The following TMBIM6 variants were observed in gnomAD, a reference collection of about 807,000 sequenced individuals.
TMBIM6 encodes the protein transmembrane BAX inhibitor motif containing 6.
In TMBIM6, 13 loss-of-function variants were observed where a neutral mutation model predicts 31.4. The ratio of observed to expected loss-of-function variants is 0.41; its 90% CI spans 0.27 to 0.66. The LOEUF (loss-of-function observed/expected upper bound fraction) is 0.66, where lower values mean the gene tolerates loss of function less well. TMBIM6 is among the 30% of genes least tolerant of loss of function. TMBIM6 has a pLI of 0.28. For missense variants in TMBIM6, 275 were observed against 289.5 expected (o/e 0.95, Z 0.36); for synonymous variants, 85 against 101.7 (o/e 0.84, Z 0.99).
chr12:49,748,793 G>A (rs768430345), intron 1 of TMBIM6, among the ~76,000 whole-genome samples: 1 of 152,152 alleles, frequency 6.6e-6, no homozygotes, highest in South Asian at 2.1e-4. Flanking sequence ...GTAAGTAATA[G>A]GCTTAGAGGT....
At chr12:49,749,933 C>T (rs1045662578) in intron 1 of TMBIM6, 2 of 151,952 alleles carry the variant, frequency 1.3e-5, no homozygotes, top group Non-Finnish European at 2.9e-5. Context: ...TGCCCTTTTG[C>T]GTCTATAATA....
chr12:49,741,857 G>A (rs527489736), intron 1 of TMBIM6: 3 of 452,224 alleles, frequency 6.6e-6, no homozygotes, highest in Non-Finnish European at 1.2e-5. Flanking sequence ...GGGGGTTTTG[G>A]GGGGTGTCGA....
intron 4 of TMBIM6, among the ~76,000 whole-genome samples, chr12:49,756,309 T>C (rs998369173): frequency 7.9e-5 from 12 of 151,332 alleles, no homozygotes; most frequent in African/African-American, 2.9e-4. Flanking sequence ...CTAATTTTTG[T>C]ATTTTTAGTA....
At position 49,753,747 on chromosome 12, in the gene TMBIM6, G is replaced by A. The variant is rs139630849; in HGVS notation, c.165+666G>A. Among the ~76,000 whole-genome samples the A allele has an allele frequency of 3.3e-3, 497 of 152,316 alleles. 2 individuals carry two copies. Among genetic ancestry groups the A allele is most frequent in the South Asian group, 0.019 (91 of 4,832 alleles). ...GTTCAGGCATCTCCTGGCAGGGATT[G>A]TGTGAAAAATTACTTTAGACACTCA... On this transcript the variant is annotated intron_variant, in intron 3 of 9. Coordinates refer to ENST00000267115, the MANE Select transcript of TMBIM6 (RefSeq NM_003217.3).
intron 1 of TMBIM6, among the ~76,000 whole-genome samples, chr12:49,748,543 CA>C (rs1302681910): frequency 2.6e-5 from 4 of 152,188 alleles, no homozygotes; most frequent in African/African-American, 9.7e-5. Flanking sequence ...GACACTTCAG[CA>C]AAACTTTAGC....
At chr12:49,743,902 T>C (rs1030924315) in intron 1 of TMBIM6, among the ~76,000 whole-genome samples, 2 of 152,224 alleles carry the variant, frequency 1.3e-5, no homozygotes, top group African/African-American at 4.8e-5. Context: ...GTACTTTACG[T>C]TGATTTCACA....
At chr12:49,745,623 G>A (rs1231023614) in intron 1 of TMBIM6, among the ~76,000 whole-genome samples, 1 of 151,876 alleles carries the variant, frequency 6.6e-6, no homozygotes, top group African/African-American at 2.4e-5. Flanking sequence ...TACTTGGGAG[G>A]CTGAGGCATG....
rs774851770 is a variant in TMBIM6, at chr12:49,762,928, C to T, written c.*32C>T. ...CATCCAGCCTTTCCCAATTAGACTTCCTCTCCTTCCACCCCTCATTTCCTT... is the reference window on the plus strand; with the variant it reads ...CATCCAGCCTTTCCCAATTAGACTTTCTCTCCTTCCACCCCTCATTTCCTT... On this transcript the variant is annotated 3_prime_UTR_variant, in exon 10 of 10. Transcript: ENST00000267115. The T allele has an allele frequency of 2.9e-5, 47 of 1,607,798 alleles. No homozygotes were observed. The highest frequency in any genetic ancestry group is 3.9e-5 in the Non-Finnish European group (46 of 1,174,844).
rs1945758267 is a variant in TMBIM6 at position 49,763,444 on chromosome 12, C to T, written c.*548C>T. 1.3e-5 allele frequency: 2 copies of T among 152,870 alleles called. No homozygotes were observed. Among genetic ancestry groups the T allele is most frequent in the South Asian group, 4.1e-4 (2 of 4,898 alleles). 9.5% of individuals were successfully genotyped at this position (152,870 alleles called of 1,614,324 possible). A position where few individuals can be genotyped will look rare whatever the true frequency, so the allele number is the denominator to read the frequency against. ...TCTTCTGGTGGATGCTTTGCTCCCTCTGAGCTGCCCATGCTGGTCTGGCAA... is the reference window on the plus strand; with the variant it reads ...TCTTCTGGTGGATGCTTTGCTCCCTTTGAGCTGCCCATGCTGGTCTGGCAA... On this transcript the variant is annotated 3_prime_UTR_variant, in exon 10 of 10. Coordinates refer to ENST00000267115, the MANE Select transcript of TMBIM6 (RefSeq NM_003217.3).
chr12:49,742,414 T>C (rs1945313870), intron 1 of TMBIM6: 1 of 1,241,880 alleles, frequency 8.1e-7, no homozygotes, highest in East Asian at 2.7e-5. Flanking sequence ...GGCTTTGGTA[T>C]CTTTGTATAT....
At chr12:49,750,486 A>G (rs1430632012) in intron 1 of TMBIM6, 2 of 152,214 alleles carry the variant, frequency 1.3e-5, no homozygotes, top group African/African-American at 4.8e-5. Context: ...CCAGGTGCTG[A>G]ATTCTGCCAT....
chr12:49,746,694 G>A (rs1945400236), intron 1 of TMBIM6, among the ~76,000 whole-genome samples: 1 of 151,982 alleles, frequency 6.6e-6, no homozygotes, highest in Admixed American at 6.6e-5. Flanking sequence ...ACTATGCAGG[G>A]GACATGGTTA....
Position 49,759,682 on chromosome 12 carries a change from A to G in TMBIM6, c.614+361A>G, listed in dbSNP as rs374344374. ...ATTAGCTGGGCATGGTGGCACATGTATATAATCCCAGCTACTCAGGAGGCT... is the reference window on the plus strand; with the variant it reads ...ATTAGCTGGGCATGGTGGCACATGTGTATAATCCCAGCTACTCAGGAGGCT... On this transcript the variant is annotated intron_variant, in intron 8 of 9. Coordinates refer to ENST00000267115, the MANE Select transcript of TMBIM6 (RefSeq NM_003217.3). 4.5e-3 allele frequency among the ~76,000 whole-genome samples: 686 copies of G among 152,004 alleles called. 1 individual carries two copies. The highest frequency in any genetic ancestry group is 7.5e-3 in the Non-Finnish European group (508 of 67,938).
At chr12:49,741,917 C>G (rs1249138393) in intron 1 of TMBIM6, 1 of 695,954 alleles carries the variant, frequency 1.4e-6, no homozygotes, top group Non-Finnish European at 2.3e-6. Flanking sequence ...CTCAGCCCGC[C>G]TTTTCCTTTC....
chr12:49,755,847 T>TG, intron 4 of TMBIM6, 92 bp downstream of exon 4: 2 of 1,457,362 alleles, frequency 1.4e-6, no homozygotes, highest in East Asian at 4.7e-5. Context: ...CTTTTTTTTT[T>TG]TTTTGAGACA....
chr12:49,761,560 CAGAG>C, intron 8 of TMBIM6, 140 bp from the exon 9 acceptor site: 1 of 674,004 alleles, frequency 1.5e-6, no homozygotes. Context: ...TCTCAGACAC[CAGAG>C]TTTTACTTCC....
Position 49,758,690 on chromosome 12 carries a change from G to A in TMBIM6, c.441G>A (p.Leu147=), listed in dbSNP as rs780953621. ...RRSYLFLGGI[L]MSALSLLLLS... ...TTTTGCTGTGTCTTATAGGTATCTT[G>A]ATGTCAGCCCTGAGCTTGTTGCTTT... The change falls in exon 7 of 10, where the codon TTG becomes TTA. Residue 147 remains leucine (L), a synonymous_variant. Transcript: ENST00000267115. The A allele has an allele frequency of 1.2e-6, 2 of 1,614,022 alleles. No homozygotes were observed. The highest frequency in any genetic ancestry group is 1.7e-6 in the Non-Finnish European group (2 of 1,180,046).
chr12:49,754,923 G>A (rs1240466581), intron 3 of TMBIM6, among the ~76,000 whole-genome samples: 1 of 152,064 alleles, frequency 6.6e-6, no homozygotes, highest in Non-Finnish European at 1.5e-5. Flanking sequence ...ATATGTATGT[G>A]TCTTGGTGTT....
At chr12:49,759,491 G>T (rs1687197383) in intron 8 of TMBIM6, among the ~76,000 whole-genome samples, 170 bp downstream of exon 8, 2 of 152,102 alleles carry the variant, frequency 1.3e-5, no homozygotes, top group Non-Finnish European at 2.9e-5. Flanking sequence ...ATTCCTGAAA[G>T]ATTTCAGATT....
Sources: gnomAD v4.1 joint callset for allele counts (sites outside exome capture counted in the v4.1 genomes callset) on GRCh38, gnomAD v4.1.1 for gene constraint, MANE v1.5 for transcripts, NCBI Gene and HGNC (gene_info 2026-07-23, HGNC 2026-07-21) for gene names.